LRRC8A: variants seen among roughly 807,000 people sequenced by gnomAD.
LRRC8A encodes leucine rich repeat containing 8 VRAC subunit A.
In LRRC8A, 24 loss-of-function variants were observed where a neutral mutation model predicts 52.5. The observed-to-expected ratio is 0.46, with a 90% CI of 0.33 to 0.64. The LOEUF (loss-of-function observed/expected upper bound fraction) is 0.64, where lower values mean the gene tolerates loss of function less well. Ranked by LOEUF, LRRC8A falls within the 30% of genes least tolerant of loss-of-function variation. LRRC8A has a pLI of 0.02. For missense variants in LRRC8A, 677 were observed against 1,094.7 expected, an observed-to-expected ratio of 0.62 and a Z score of 5.38; for synonymous variants, 492 against 494.2, an observed-to-expected ratio of 1.00 and a Z score of 0.06.
At chr9:128,898,903 A>G (rs1839923273) in intron 2 of LRRC8A, among the ~76,000 whole-genome samples, 1 of 152,214 alleles carries the variant, frequency 6.6e-6, no homozygotes, top group Admixed American at 6.5e-5. Flanking sequence ...ACCTTCCGCC[A>G]TGTTACCATG....
chr9:128,912,235 T>A (rs1262536428), intron 3 of LRRC8A, among the ~76,000 whole-genome samples: 1 of 152,154 alleles, frequency 6.6e-6, no homozygotes, highest in African/African-American at 2.4e-5. Context: ...TGTGCAGATG[T>A]TTTTTGAGCA....
chr9:128,900,927 C>T (rs1368046626), intron 2 of LRRC8A, among the ~76,000 whole-genome samples: 1 of 152,086 alleles, frequency 6.6e-6, no homozygotes, highest in Non-Finnish European at 1.5e-5. Flanking sequence ...GTAATCCCCG[C>T]ACTGTGGGAA....
rs1840302523 is a variant in LRRC8A at position 128,907,500 on chromosome 9, G to C, written c.336G>C (p.Val112=). 6.2e-7 allele frequency: 1 copy of C among 1,613,994 alleles called. No individual in the cohort carries two copies. The highest frequency in any genetic ancestry group is 8.5e-7 in the Non-Finnish European group (1 of 1,180,054). Residue 112 remains valine (V), a synonymous_variant, in exon 3 of 4, where the codon GTG becomes GTC. Transcript: ENST00000372600. The surrounding 1 kb of genome is among the most constrained non-coding windows in gnomAD (Gnocchi z 9.3). ...DRHQYNYVDA[V]CYENRLHWFA... The stretch of plus-strand genomic sequence containing the variant: ...ACCAGTACAACTACGTGGACGCTGT[G>C]TGCTATGAGAACCGACTGCACTGGT...
chr9:128,909,223 C>G lies in LRRC8A; in HGVS notation c.2059C>G (p.Leu687Val), dbSNP rs1277317984. 1.2e-6 allele frequency: 2 copies of G among 1,614,060 alleles called. No homozygotes were observed. The highest frequency in any genetic ancestry group is 8.5e-7 in the Non-Finnish European group (1 of 1,180,056). The stretch of plus-strand genomic sequence containing the variant: ...CACCCAGCTCTTCTACTGCCGCAAG[C>G]TGCGCTACCTGGACCTCAGCCACAA... ...IPTQLFYCRK[L>V]RYLDLSHNNL... The change falls in exon 3 of 4, where the codon CTG becomes GTG. Residue 687 changes from leucine to valine, a missense_variant. Physicochemically the swap from Leu to Val is conservative, Grantham distance 32 (BLOSUM62 1). This residue lies in a region of LRRC8A where 169 missense variants were observed against 217.6 expected (regional missense o/e 0.78). Coordinates refer to ENST00000372600, the MANE Select transcript of LRRC8A (RefSeq NM_019594.4).
intron 2 of LRRC8A, among the ~76,000 whole-genome samples, chr9:128,901,400 A>G (rs188649774): frequency 6.7e-6 from 1 of 148,380 alleles, no homozygotes; most frequent in East Asian, 2.0e-4. Context: ...GGAGGCGGAG[A>G]TTGCAGTGAG....
chr9:128,907,563 G>A lies in LRRC8A; in HGVS notation c.399G>A (p.Thr133=), dbSNP rs778279829. 21 of 1,614,018 alleles carry A rather than the reference G, an allele frequency of 1.3e-5. No homozygotes were observed. The highest frequency in any genetic ancestry group is 2.7e-5 in the African/African-American group (2 of 74,930). The change falls in exon 3 of 4, where the codon ACG becomes ACA. Residue 133 remains threonine, a synonymous_variant. Transcript: ENST00000372600. This position sits in a 1 kb window ranked among gnomAD's most constrained non-coding sequence, Gnocchi z 9.3. The part of the protein sequence containing the change: ...KYFPYLVLLH[T]LIFLACSNFW... ...TCCCCTACCTGGTGCTTCTGCACACGCTCATCTTCCTGGCCTGCAGCAACT... is the reference window on the plus strand; with the variant it reads ...TCCCCTACCTGGTGCTTCTGCACACACTCATCTTCCTGGCCTGCAGCAACT...
chr9:128,904,805 T>G (rs141456169), intron 2 of LRRC8A, among the ~76,000 whole-genome samples: 3 of 151,550 alleles, frequency 2.0e-5, no homozygotes, highest in Non-Finnish European at 4.4e-5. Context: ...CCATCCTGGC[T>G]AACACGGTGA....
chr9:128,889,924 T>C (rs1402005235), intron 2 of LRRC8A, among the ~76,000 whole-genome samples: 1 of 152,072 alleles, frequency 6.6e-6, no homozygotes, highest in African/African-American at 2.4e-5. Context: ...TGTCTCAGCC[T>C]CCCAAGTAGC....
chr9:128,885,381 T>A (rs1839352331), intron 1 of LRRC8A: 1 of 152,204 alleles, frequency 6.6e-6, no homozygotes, highest in Non-Finnish European at 1.5e-5. Flanking sequence ...ATGTACTCTC[T>A]CCTCCAGGTA....
chr9:128,894,213 G>A (rs1427085511), intron 2 of LRRC8A, among the ~76,000 whole-genome samples: 1 of 151,968 alleles, frequency 6.6e-6, no homozygotes, highest in Non-Finnish European at 1.5e-5. Context: ...GCCAGGCATG[G>A]TGGCTCACAC....
At chr9:128,885,952 T>C (rs1839379846) in intron 1 of LRRC8A, 63 bp from the exon 2 acceptor site, 1 of 152,226 alleles carries the variant, frequency 6.6e-6, no homozygotes, top group Non-Finnish European at 1.5e-5. Context: ...GTGCTGGCGG[T>C]GTGGCAGGTA....
chr9:128,890,536 G>A (rs531242981), intron 2 of LRRC8A, among the ~76,000 whole-genome samples: 12 of 152,262 alleles, frequency 7.9e-5, no homozygotes, highest in African/African-American at 2.2e-4. Flanking sequence ...GGCGGTGGGC[G>A]GGAATCCTGG....
chr9:128,903,225 C>A (rs1289494537), intron 2 of LRRC8A, among the ~76,000 whole-genome samples: 3 of 152,104 alleles, frequency 2.0e-5, no homozygotes, highest in East Asian at 3.9e-4. Context: ...GCAGGGGAGG[C>A]CTGCCTGGTG....
At chr9:128,885,230 G>A (rs1211838715) in intron 1 of LRRC8A, 1 of 152,464 alleles carries the variant, frequency 6.6e-6, no homozygotes. Flanking sequence ...GATGATGGGT[G>A]GATTTGGTGT....
intron 1 of LRRC8A, chr9:128,882,811 C>T (rs1839146802): frequency 1.5e-5 from 6 of 398,772 alleles, no homozygotes; most frequent in East Asian, 3.6e-5. Flanking sequence ...AAGACCGGTC[C>T]GGAATCTAAG....
chr9:128,886,542 G>A (rs1298835216), intron 2 of LRRC8A, among the ~76,000 whole-genome samples: 2 of 152,192 alleles, frequency 1.3e-5, no homozygotes, highest in Non-Finnish European at 2.9e-5. Flanking sequence ...ACTTATCAGA[G>A]TCTTGAATCA....
At chr9:128,893,970 C>T (rs923735186) in intron 2 of LRRC8A, among the ~76,000 whole-genome samples, 1 of 152,030 alleles carries the variant, frequency 6.6e-6, no homozygotes, top group East Asian at 1.9e-4. Flanking sequence ...CCTGCGCCTC[C>T]CGGGTTCAAG....
Position 128,902,459 on chromosome 9 carries a change from G to T in LRRC8A, c.-8-4698G>T, listed in dbSNP as rs965335675. 6.6e-6 allele frequency among the ~76,000 whole-genome samples: 1 copy of T among 152,156 alleles called. No individual in the cohort carries two copies. The highest frequency in any genetic ancestry group is 2.4e-5 in the African/African-American group (1 of 41,454). ...GTCGGCGGGGCTGGGGCGGCTCCTC[G>T]CAGAGGAAGCAGGTGTTTCTGTGAG... On this transcript the variant is annotated intron_variant, in intron 2 of 3. Coordinates refer to ENST00000372600, the MANE Select transcript of LRRC8A (RefSeq NM_019594.4). This position sits in a 1 kb window ranked among gnomAD's most constrained non-coding sequence, Gnocchi z 4.1.
At chr9:128,915,460 G>A (rs1221671969) in intron 3 of LRRC8A, among the ~76,000 whole-genome samples, 5 of 152,186 alleles carry the variant, frequency 3.3e-5, no homozygotes, top group East Asian at 1.9e-4. Context: ...GAGTAGCTGG[G>A]ACTACAGGCG....
Sources: gnomAD v4.1 joint callset for allele counts (sites outside exome capture counted in the v4.1 genomes callset) on GRCh38, gnomAD v4.1.1 for gene constraint, gnomAD v4.1.1 regional missense constraint, Gnocchi (gnomAD v3.1) non-coding constraint, MANE v1.5 for transcripts, NCBI Gene and HGNC (gene_info 2026-07-23, HGNC 2026-07-21) for gene names.